The following PRRC2B variants were observed in gnomAD, a reference collection of about 807,000 sequenced individuals.
PRRC2B encodes the protein protein PRRC2B.
A neutral mutation model predicts 242.3 loss-of-function variants in PRRC2B; 68 were observed. That is an observed-to-expected ratio of 0.28 (90% CI 0.23 to 0.34). The LOEUF (loss-of-function observed/expected upper bound fraction) is 0.34, where lower values mean the gene tolerates loss of function less well. Ranked by LOEUF, PRRC2B falls within the 10% of genes least tolerant of loss-of-function variation. The probability of loss-of-function intolerance (pLI) is 1.00; values close to 1 mark genes in which losing one functional copy is unlikely to be tolerated. For synonymous variants in PRRC2B, 1,228 were observed against 1,173.6 expected, an observed-to-expected ratio of 1.05 and a Z score of -0.95; for missense variants, 2,835 against 2,954.8, an observed-to-expected ratio of 0.96 and a Z score of 0.94.
At position 131,475,161 on chromosome 9, in the gene PRRC2B, C is replaced by T; in HGVS notation, c.3032C>T (p.Ala1011Val). 2 of 1,613,084 alleles carry T rather than the reference C, an allele frequency of 1.2e-6. No individual in the cohort carries two copies. Among genetic ancestry groups the T allele is most frequent in the Non-Finnish European group, 1.7e-6 (2 of 1,179,574 alleles). ...TTLEDKGPGH[A>V]TFGREATKFE... ...TTGGAGGACAAAGGCCCTGGCCATG[C>T]CACTTTTGGCCGCGAGGCCACCAAA... The change falls in exon 16 of 32, where the codon GCC becomes GTC. Residue 1011 changes from alanine (A) to valine (V), a missense_variant. Around this residue, in one of 7 missense-constraint regions of PRRC2B, gnomAD observed 1,536 missense variants for 1,483.1 expected, o/e 1.04. Transcript: ENST00000683519.
chr9:131,452,977 A>G (rs756426757), intron 9 of PRRC2B, among the ~76,000 whole-genome samples: 15 of 152,194 alleles, frequency 9.9e-5, no homozygotes, highest in Non-Finnish European at 1.9e-4. Context: ...ATCTTACTGT[A>G]TATTTACTGA....
At chr9:131,385,215 C>T (rs982019320) in intron 1 of PRRC2B, among the ~76,000 whole-genome samples, 2 of 149,046 alleles carry the variant, frequency 1.3e-5, no homozygotes, top group Non-Finnish European at 3.0e-5. Context: ...GTGGCACATG[C>T]CTATAATCCC....
intron 1 of PRRC2B, among the ~76,000 whole-genome samples, chr9:131,374,175 C>T (rs1173592322): frequency 6.6e-6 from 1 of 151,902 alleles, no homozygotes; most frequent in South Asian, 2.1e-4. Flanking sequence ...CAAAATAACA[C>T]ATATACCCCC....
At chr9:131,396,644 A>G (rs1837068364) in intron 1 of PRRC2B, among the ~76,000 whole-genome samples, 1 of 151,898 alleles carries the variant, frequency 6.6e-6, no homozygotes. Context: ...CTTAATGCTT[A>G]TTTTTTCCTC....
rs77800389 is a variant in PRRC2B, at chr9:131,480,619, A to ATT, written c.4901-1094_4901-1093dup. 1.1e-3 allele frequency among the ~76,000 whole-genome samples: 166 copies of ATT among 144,754 alleles called. 2 individuals carry two copies. Among genetic ancestry groups the ATT allele is most frequent in the African/African-American group, 3.6e-3 (140 of 39,418 alleles). The allele number at this position is 144,754 out of a possible 152,430, so 95.0% of individuals were successfully genotyped here. A position where few individuals can be genotyped will look rare whatever the true frequency, so the allele number is the denominator to read the frequency against. On this transcript the variant is annotated intron_variant, in intron 19 of 31. Transcript: ENST00000683519. ...GGATATTAAAATAGCATGTGAAAGG[A>ATT]TTTTTTTTTTTTTTAAAGATGGGGT...
Position 131,478,458 on chromosome 9 carries a change from T to C in PRRC2B, c.4613-16T>C, listed in dbSNP as rs1455857655. ...TGAGTGGAAAGACTGTTCCTTCTCG[T>C]GAAATCTTGGTTCAGGTGCCATCAT... On this transcript the variant is annotated splice_polypyrimidine_tract_variant and intron_variant, in intron 17 of 31. Transcript: ENST00000683519. 12 of 1,611,978 alleles carry C rather than the reference T, an allele frequency of 7.4e-6. No individual in the cohort carries two copies. Among genetic ancestry groups the C allele is most frequent in the Non-Finnish European group, 1.0e-5 (12 of 1,178,334 alleles).
chr9:131,491,089 A>G (rs1944180640), intron 28 of PRRC2B: 1 of 270,100 alleles, frequency 3.7e-6, no homozygotes, highest in East Asian at 8.7e-5. Context: ...ACAAAGGCAG[A>G]AAGGGCTGAA....
At chr9:131,450,931 TA>T (rs1942893565) in intron 9 of PRRC2B, among the ~76,000 whole-genome samples, 1 of 152,186 alleles carries the variant, frequency 6.6e-6, no homozygotes, top group Non-Finnish European at 1.5e-5. Flanking sequence ...TGTATCTCTT[TA>T]TTAGGGCTTT....
intron 1 of PRRC2B, among the ~76,000 whole-genome samples, chr9:131,376,435 A>T (rs1458217713): frequency 6.6e-6 from 1 of 152,086 alleles, no homozygotes; most frequent in African/African-American, 2.4e-5. Flanking sequence ...AGTCTCAGTA[A>T]ACAGTAGCTG....
At chr9:131,466,672 T>C (rs2131427200) in intron 12 of PRRC2B, among the ~76,000 whole-genome samples, 1 of 152,150 alleles carries the variant, frequency 6.6e-6, no homozygotes, top group East Asian at 1.9e-4. Flanking sequence ...TCACCTAGGC[T>C]GGAGTGCAAT....
At chr9:131,422,790 C>T (rs1837878873) in intron 1 of PRRC2B, among the ~76,000 whole-genome samples, 1 of 152,176 alleles carries the variant, frequency 6.6e-6, no homozygotes. Context: ...TCCAGCACAG[C>T]CTGGGAGCAC....
At chr9:131,376,138 G>T (rs777231529) in intron 1 of PRRC2B, among the ~76,000 whole-genome samples, 3 of 151,192 alleles carry the variant, frequency 2.0e-5, no homozygotes, top group Non-Finnish European at 2.9e-5. Context: ...CATCACCTGA[G>T]GTCAGGCGTT....
intron 10 of PRRC2B, among the ~76,000 whole-genome samples, chr9:131,456,669 C>T (rs1005920699): frequency 6.6e-6 from 1 of 151,654 alleles, no homozygotes; most frequent in Non-Finnish European, 1.5e-5. Flanking sequence ...ATTAGTTGGG[C>T]GTGGTGTGCA....
At position 131,446,155 on chromosome 9, in the gene PRRC2B, C is replaced by G. The variant is rs1838793314; in HGVS notation, c.614-246C>G. ...TGGTGATTGTTGCTTACTGATGAAG[C>G]CTTCTCTCTGAGTAGATCTCATTTT... On this transcript the variant is annotated intron_variant, in intron 6 of 31. Transcript: ENST00000683519. This position sits in a 1 kb window ranked among gnomAD's most constrained non-coding sequence, Gnocchi z 4.1. Among the ~76,000 whole-genome samples, 1 of 152,152 alleles carries G rather than the reference C, an allele frequency of 6.6e-6. No homozygotes were observed. The highest frequency in any genetic ancestry group is 1.5e-5 in the Non-Finnish European group (1 of 68,016).
At chr9:131,390,781 C>CTTTTTTTT (rs57100225), upstream of PRRC2B, among the ~76,000 whole-genome samples, 1 of 36,946 alleles carries the variant, frequency 2.7e-5, no homozygotes, top group African/African-American at 1.0e-4. Context: ...TGTGCCCTAG[C>CTTTTTTTT]TTTTTTTTTT....
rs1454441651 is a variant in PRRC2B at position 131,447,313 on chromosome 9, G to T, written c.977+107G>T. 4.9e-5 allele frequency: 69 copies of T among 1,415,620 alleles called. No individual in the cohort carries two copies. In the South Asian group the frequency reaches 8.8e-4, roughly 18 times the overall value. The allele number at this position is 1,415,620 out of a possible 1,614,324, so 87.7% of individuals were successfully genotyped here. Reference sequence around the variant, plus strand: ...AGTGCTGTGTCTCCTGGAGACCACAGAGAACTTAACCAGCTCAGCGTGGCA... The same window carrying T: ...AGTGCTGTGTCTCCTGGAGACCACATAGAACTTAACCAGCTCAGCGTGGCA... On this transcript the variant is annotated intron_variant, in intron 8 of 31. Coordinates refer to ENST00000683519, the MANE Select transcript of PRRC2B (RefSeq NM_013318.4).
At chr9:131,459,582 G>A (rs1325653695) in intron 11 of PRRC2B, among the ~76,000 whole-genome samples, 3 of 151,708 alleles carry the variant, frequency 2.0e-5, no homozygotes, top group South Asian at 2.1e-4. Flanking sequence ...CACCATGCCC[G>A]GCTGTTCTTA....
chr9:131,410,541 T>G (rs1290842289), intron 1 of PRRC2B, among the ~76,000 whole-genome samples: 3 of 152,204 alleles, frequency 2.0e-5, no homozygotes, highest in African/African-American at 7.2e-5. Flanking sequence ...AGTCTGGATG[T>G]CACATCACCC....
At chr9:131,442,635 C>T (rs751396382) in intron 5 of PRRC2B, among the ~76,000 whole-genome samples, 6 of 152,218 alleles carry the variant, frequency 3.9e-5, no homozygotes, top group Non-Finnish European at 7.4e-5. Flanking sequence ...TGAACAGGCC[C>T]GTGGATCAGT....
Sources: gnomAD v4.1 joint callset for allele counts (sites outside exome capture counted in the v4.1 genomes callset) on GRCh38, gnomAD v4.1.1 for gene constraint, gnomAD v4.1.1 regional missense constraint, Gnocchi (gnomAD v3.1) non-coding constraint, MANE v1.5 for transcripts, NCBI Gene and HGNC (gene_info 2026-07-23, HGNC 2026-07-21) for gene names.